TMEM132D: variants seen among roughly 807,000 people sequenced by gnomAD.
The protein encoded by TMEM132D is mature OL transmembrane protein.
TMEM132D carries 21 observed loss-of-function variants against 62.3 expected under a neutral mutation model. The observed-to-expected ratio is 0.34, with a 90% confidence interval of 0.24 to 0.49. TMEM132D has a LOEUF of 0.49. Among genes scored for constraint, TMEM132D ranks in the 20% least tolerant of loss-of-function variants. The pLI, the probability that TMEM132D is intolerant of heterozygous loss-of-function variation, is 0.99. For synonymous variants in TMEM132D, 621 were observed against 575.6 expected, an observed-to-expected ratio of 1.08 and a Z score of -1.13; for missense variants, 1,346 against 1,402.8, an observed-to-expected ratio of 0.96 and a Z score of 0.65.
intron 5 of TMEM132D, among the ~76,000 whole-genome samples, chr12:129,174,474 A>G (rs1288618501): frequency 6.6e-6 from 1 of 152,140 alleles, no homozygotes; most frequent in Non-Finnish European, 1.5e-5. Flanking sequence ...TATCCAGTCT[A>G]TCATTGATGG....
At chr12:129,835,424 G>A (rs982312529) in intron 1 of TMEM132D, among the ~76,000 whole-genome samples, 2 of 152,008 alleles carry the variant, frequency 1.3e-5, no homozygotes, top group Non-Finnish European at 2.9e-5. Context: ...TCAAGTAGCT[G>A]GGATTACAAA....
At chr12:129,231,142 A>G (rs1879626323) in intron 4 of TMEM132D, among the ~76,000 whole-genome samples, 1 of 152,346 alleles carries the variant, frequency 6.6e-6, no homozygotes, top group East Asian at 1.9e-4. Flanking sequence ...CAGGTCTTTC[A>G]TGCTGTTCAA....
chr12:129,866,947 AG>A (rs1874078627), intron 1 of TMEM132D, among the ~76,000 whole-genome samples: 2 of 152,186 alleles, frequency 1.3e-5, no homozygotes, highest in African/African-American at 4.8e-5. Flanking sequence ...AATATTACTT[AG>A]TCTTAAAAAA....
At chr12:129,728,419 G>T (rs1301130399) in intron 1 of TMEM132D, among the ~76,000 whole-genome samples, 5 of 152,106 alleles carry the variant, frequency 3.3e-5, no homozygotes, top group Admixed American at 2.0e-4. Flanking sequence ...AATTAATGGG[G>T]TGTCCACTCA....
At chr12:129,359,002 T>A (rs1234384732) in intron 3 of TMEM132D, among the ~76,000 whole-genome samples, 1 of 151,948 alleles carries the variant, frequency 6.6e-6, no homozygotes, top group East Asian at 1.9e-4. Flanking sequence ...CACAGTATCA[T>A]AGTAGCCAAA....
chr12:129,573,964 A>G (rs961228905), intron 2 of TMEM132D, among the ~76,000 whole-genome samples: 8 of 151,890 alleles, frequency 5.3e-5, no homozygotes, highest in South Asian at 4.1e-4. Context: ...GATGAAGGAG[A>G]TGCATAGAGG....
intron 3 of TMEM132D, among the ~76,000 whole-genome samples, chr12:129,352,370 C>G (rs559388422): frequency 6.6e-6 from 1 of 151,956 alleles, no homozygotes; most frequent in Non-Finnish European, 1.5e-5. Flanking sequence ...CTAGGGTGGA[C>G]GCCTTCCTCC....
chr12:129,559,737 A>G (rs548122890), intron 2 of TMEM132D, among the ~76,000 whole-genome samples: 1 of 152,326 alleles, frequency 6.6e-6, no homozygotes, highest in Admixed American at 6.5e-5. Context: ...AATCCCCTCA[A>G]AAAGTCAACT....
chr12:129,508,309 A>G (rs1875400457), intron 3 of TMEM132D, among the ~76,000 whole-genome samples: 1 of 152,230 alleles, frequency 6.6e-6, no homozygotes, highest in African/African-American at 2.4e-5. Flanking sequence ...TTAAAAAAGA[A>G]ACTGGGAATA....
In TMEM132D at chr12:129,531,158, C is replaced by T. The variant is rs892145164; in HGVS notation, c.1016G>A (p.Ser339Asn). ...CTCCTTGACATCCCAAATGGAAGGG[C>T]TGCTGGCTCGCACGCCGATGATGTT... Reference protein sequence around the residue: ...GVNIIGVRASSPSIWDVKERT... With the variant: ...GVNIIGVRASNPSIWDVKERT... The change falls in exon 3 of 9, where the codon AGC becomes AAC. Residue 339 changes from serine (S) to asparagine (N), a missense_variant. Transcript: ENST00000422113. 1 of 1,613,756 alleles carries T rather than the reference C, an allele frequency of 6.2e-7. No homozygotes were observed. Among genetic ancestry groups the T allele is most frequent in the Non-Finnish European group, 8.5e-7 (1 of 1,179,912 alleles).
chr12:129,868,766 G>A (rs942273759), intron 1 of TMEM132D, among the ~76,000 whole-genome samples: 3 of 152,150 alleles, frequency 2.0e-5, no homozygotes, highest in Admixed American at 6.5e-5. Context: ...AGCTGCTTGC[G>A]ATGCAAGGAA....
chr12:129,450,490 CAT>C (rs1873240953), intron 3 of TMEM132D, among the ~76,000 whole-genome samples: 2 of 152,134 alleles, frequency 1.3e-5, no homozygotes, highest in Admixed American at 1.3e-4. Context: ...GCTTGGATTT[CAT>C]AGTCTAATCC....
intron 4 of TMEM132D, among the ~76,000 whole-genome samples, chr12:129,295,578 G>A (rs1593327010): frequency 6.6e-6 from 1 of 151,670 alleles, no homozygotes; most frequent in South Asian, 2.1e-4. Context: ...TTACAAGCAC[G>A]CACCACCATG....
In TMEM132D at chr12:129,678,486, A is replaced by T. The variant is rs1416605924; in HGVS notation, c.968+21324T>A. Among the ~76,000 whole-genome samples the T allele has an allele frequency of 2.0e-5, 3 of 152,026 alleles. No individual in the cohort carries two copies. In the South Asian group the frequency reaches 6.2e-4, roughly 32 times the overall value. On this transcript the variant is annotated intron_variant, in intron 2 of 8. Transcript: ENST00000422113. Reference sequence around the variant, plus strand: ...GTTCATATTTTTTGCCCATTTTTATATTTGGCTATTTGCTTTGAATTATAG... The same window carrying T: ...GTTCATATTTTTTGCCCATTTTTATTTTTGGCTATTTGCTTTGAATTATAG...
At chr12:129,350,893 C>A (rs1869841985) in intron 3 of TMEM132D, among the ~76,000 whole-genome samples, 1 of 152,226 alleles carries the variant, frequency 6.6e-6, no homozygotes. Flanking sequence ...TCCACCCCAA[C>A]TTTAGGTTAT....
chr12:129,625,234 C>G (rs1224513899), intron 2 of TMEM132D, among the ~76,000 whole-genome samples: 1 of 152,196 alleles, frequency 6.6e-6, no homozygotes, highest in Admixed American at 6.5e-5. Context: ...GAGGTCTCTA[C>G]ATTTTCTCGA....
intron 5 of TMEM132D, among the ~76,000 whole-genome samples, chr12:129,203,992 C>T (rs1410880342): frequency 1.3e-5 from 2 of 152,158 alleles, no homozygotes; most frequent in African/African-American, 4.8e-5. Flanking sequence ...TAATCAAACC[C>T]CCTAGAACCT....
chr12:129,610,651 T>C (rs1877099), intron 2 of TMEM132D, among the ~76,000 whole-genome samples: 33,337 of 152,026 alleles, frequency 0.22, 4,099 homozygotes, highest in East Asian at 0.43. Context: ...CATAGAGCCA[T>C]GTCCAGCATC....
Position 129,779,663 on chromosome 12 carries a change from C to T in TMEM132D, c.80-78965G>A, listed in dbSNP as rs922132966. ...GAAGAAGAGCAGGTATTGGAAGAGA[C>T]CATCAGAAGGCCCCTCCACAGTCAG... On this transcript the variant is annotated intron_variant, in intron 1 of 8. Coordinates refer to ENST00000422113, the MANE Select transcript of TMEM132D (RefSeq NM_133448.3). The surrounding 1 kb of genome is among the most constrained non-coding windows in gnomAD (Gnocchi z 4.1). 2.6e-5 allele frequency among the ~76,000 whole-genome samples: 4 copies of T among 152,000 alleles called. No homozygotes were observed. Among genetic ancestry groups the T allele is most frequent in the African/African-American group, 9.7e-5 (4 of 41,392 alleles).
Sources: allele counts gnomAD v4.1 joint callset (sites outside exome capture counted in the v4.1 genomes callset), GRCh38; gene constraint gnomAD v4.1.1; non-coding constraint Gnocchi (gnomAD v3.1); transcripts MANE v1.5; gene names NCBI Gene and HGNC (gene_info 2026-07-23, HGNC 2026-07-21).